BCAS4: variants seen among roughly 807,000 people sequenced by gnomAD.
The protein encoded by BCAS4 is breast carcinoma-amplified sequence 4.
BCAS4 carries 9 observed loss-of-function variants against 15.7 expected under a neutral mutation model. That is an observed-to-expected ratio of 0.57 (90% CI 0.34 to 1.00). BCAS4 has a LOEUF of 1.00. Ranked by LOEUF, BCAS4 falls within the 50% of genes least tolerant of loss-of-function variation. The pLI is 0.02. For synonymous variants in BCAS4, 101 were observed against 99.5 expected (o/e 1.02, Z -0.09); for missense variants, 225 against 239.1 (o/e 0.94, Z 0.39).
chr20:50,875,042 CCTT>C (rs145098249), intron 4 of BCAS4, among the ~76,000 whole-genome samples: 3,595 of 152,300 alleles, frequency 0.024, 68 homozygotes, highest in Middle Eastern at 0.048. Context: ...GGAGCCCTCT[CCTT>C]CTTCTGGTGC....
At chr20:50,856,375 GC>G (rs915740860) in intron 4 of BCAS4, among the ~76,000 whole-genome samples, 49 of 152,326 alleles carry the variant, frequency 3.2e-4, no homozygotes, top group African/African-American at 1.2e-3. Context: ...TTGTCATGCT[GC>G]CAGGCCCAAA....
At chr20:50,807,751 A>C (rs1360443364) in intron 1 of BCAS4, among the ~76,000 whole-genome samples, 76 of 152,132 alleles carry the variant, frequency 5.0e-4, no homozygotes, top group Non-Finnish European at 9.6e-4. Flanking sequence ...TACGAGTGAG[A>C]ACATACGATG....
chr20:50,795,137 G>T lies in BCAS4; in HGVS notation c.54G>T (p.Glu18Asp). Reference sequence around the variant, plus strand: ...AGCCCATGCGCAGCGGGGCGCGCGAGCTCGCGCTCTTCCTGACCCCCGAGC... The same window carrying T: ...AGCCCATGCGCAGCGGGGCGCGCGATCTCGCGCTCTTCCTGACCCCCGAGC... ...QPEPMRSGAR[E>D]LALFLTPEPG... Residue 18 changes from glutamate to aspartate, a missense_variant, in exon 1 of 5, where the codon GAG becomes GAT. Transcript: ENST00000371608. The T allele has an allele frequency of 6.8e-7, 1 of 1,475,408 alleles. No individual in the cohort carries two copies. The highest frequency in any genetic ancestry group is 9.0e-7 in the Non-Finnish European group (1 of 1,110,154). The allele number at this position is 1,475,408 out of a possible 1,614,324, so 91.4% of individuals were successfully genotyped here.
Position 50,858,256 on chromosome 20 carries a change from C to G in BCAS4, c.399+16356C>G, listed in dbSNP as rs145363258. On this transcript the variant is annotated intron_variant, in intron 4 of 4. Transcript: ENST00000371608. ...AGAGAATTTGCATATAACTTACATA[C>G]ATCCTTCCATATACTCTAAATCATC... 3.9e-5 allele frequency among the ~76,000 whole-genome samples: 6 copies of G among 152,298 alleles called. No individual in the cohort carries two copies. In the East Asian group the frequency reaches 1.2e-3, roughly 29 times the overall value.
rs1041206527 is a variant in BCAS4 at position 50,840,709 on chromosome 20, T to C, written c.265-1057T>C. 235 of 1,612,698 alleles carry C rather than the reference T, an allele frequency of 1.5e-4. 1 individual carries two copies. Among genetic ancestry groups the C allele is most frequent in the South Asian group, 1.4e-4 (13 of 91,028 alleles). ...CTCTGTCTTCTTCAGTTTCGACTTATCGAATTTCTCGATCTCAGCCATATC... is the reference window on the plus strand; with the variant it reads ...CTCTGTCTTCTTCAGTTTCGACTTACCGAATTTCTCGATCTCAGCCATATC... On this transcript the variant is annotated intron_variant, in intron 3 of 4. Coordinates refer to ENST00000371608, the MANE Select transcript of BCAS4 (RefSeq NM_198799.4).
upstream of BCAS4, chr20:50,794,954 GAGC>G: frequency 8.4e-7 from 1 of 1,197,090 alleles, no homozygotes; most frequent in Non-Finnish European, 1.0e-6. Flanking sequence ...CGACCGCCGG[GAGC>G]GCACCTGCCC....
At position 50,827,620 on chromosome 20, in the gene BCAS4, C is replaced by T. The variant is rs142290016; in HGVS notation, c.163-2659C>T. 3.4e-3 allele frequency among the ~76,000 whole-genome samples: 521 copies of T among 152,314 alleles called. 6 individuals are homozygous for T. The highest frequency in any genetic ancestry group is 0.012 in the African/African-American group (502 of 41,548). On this transcript the variant is annotated intron_variant, in intron 2 of 4. Transcript: ENST00000371608. ...GCTTCTGTGTCCCTTGGGTAAGCCC[C>T]ATCTCATCCTTTATTTTGTGGAACA...
chr20:50,847,055 G>A (rs188620306), intron 4 of BCAS4, among the ~76,000 whole-genome samples: 3 of 152,274 alleles, frequency 2.0e-5, no homozygotes, highest in East Asian at 1.9e-4. Flanking sequence ...GAGGGCCCAC[G>A]CTAAAGCAGA....
intron 3 of BCAS4, among the ~76,000 whole-genome samples, chr20:50,834,078 G>A (rs1328722804): frequency 6.6e-6 from 1 of 152,150 alleles, no homozygotes; most frequent in Non-Finnish European, 1.5e-5. Flanking sequence ...GACGGAGTGA[G>A]GGGTGTAGCC....
Position 50,841,836 on chromosome 20 carries a change from A to G in BCAS4, c.335A>G (p.His112Arg), listed in dbSNP as rs781464792. 6 of 1,613,146 alleles carry G rather than the reference A, an allele frequency of 3.7e-6. No individual in the cohort carries two copies. Among genetic ancestry groups the G allele is most frequent in the African/African-American group, 2.7e-5 (2 of 74,876 alleles). The change falls in exon 4 of 5, where the codon CAT becomes CGT. Residue 112 changes from histidine (H) to arginine (R), a missense_variant. His to Arg is a conservative substitution (Grantham distance 29). Transcript: ENST00000371608. The stretch of plus-strand genomic sequence containing the variant: ...GACGTGCTTCAGGCTGAGCGGGACC[A>G]TGGGGCCTTCCCTCAGGCCCTGCGG... Reference protein sequence around the residue: ...EADVLQAERDHGAFPQALRRW... With the variant: ...EADVLQAERDRGAFPQALRRW...
At chr20:50,836,402 A>G (rs2088410907) in intron 3 of BCAS4, among the ~76,000 whole-genome samples, 2 of 152,186 alleles carry the variant, frequency 1.3e-5, no homozygotes, top group South Asian at 4.1e-4. Context: ...ATCTCCAGGA[A>G]AGGAATGTGC....
chr20:50,847,944 T>A (rs551022049), intron 4 of BCAS4, among the ~76,000 whole-genome samples: 1 of 151,560 alleles, frequency 6.6e-6, no homozygotes, highest in Non-Finnish European at 1.5e-5. Flanking sequence ...ACTCAGGAGG[T>A]GGAAGGATCA....
rs957736187 is a variant in BCAS4 at position 50,807,902 on chromosome 20, C to CTT, written c.91-10291_91-10290dup. Among the ~76,000 whole-genome samples, 1,084 of 129,496 alleles carry CTT rather than the reference C, an allele frequency of 8.4e-3. 15 individuals are homozygous for CTT. The highest frequency in any genetic ancestry group is 0.023 in the African/African-American group (787 of 34,602). The allele number at this position is 129,496 out of a possible 152,430, so 85.0% of individuals were successfully genotyped here. On this transcript the variant is annotated intron_variant, in intron 1 of 4. Coordinates refer to ENST00000371608, the MANE Select transcript of BCAS4 (RefSeq NM_198799.4). ...TCTATATGTATATATGCCACATATTCTTTTTTTTTTTTTTTTTTTCTTCAG... is the reference window on the plus strand; with the variant it reads ...TCTATATGTATATATGCCACATATTCTTTTTTTTTTTTTTTTTTTTTCTTCAG...
intron 2 of BCAS4, among the ~76,000 whole-genome samples, chr20:50,821,286 C>G (rs1324887946): frequency 6.6e-6 from 1 of 152,230 alleles, no homozygotes; most frequent in African/African-American, 2.4e-5. Flanking sequence ...AAGACTCTTC[C>G]CATGTGTCTG....
At chr20:50,840,581 G>C (rs958057377) in intron 3 of BCAS4, 11 of 1,552,664 alleles carry the variant, frequency 7.1e-6, no homozygotes, top group Non-Finnish European at 9.8e-6. Flanking sequence ...AATGCTTGTG[G>C]AATGTACAGT....
At chr20:50,837,212 A>T (rs2088420082) in intron 3 of BCAS4, among the ~76,000 whole-genome samples, 1 of 152,154 alleles carries the variant, frequency 6.6e-6, no homozygotes, top group Non-Finnish European at 1.5e-5. Context: ...CTGGGGTTTC[A>T]AAGTTTATGT....
At chr20:50,806,075 G>C (rs184211333) in intron 1 of BCAS4, among the ~76,000 whole-genome samples, 196 of 152,228 alleles carry the variant, frequency 1.3e-3, no homozygotes, top group African/African-American at 2.8e-3. Flanking sequence ...GCATGGCTTC[G>C]GTGTCATTTG....
intron 4 of BCAS4, among the ~76,000 whole-genome samples, chr20:50,869,861 G>T (rs1245002645): frequency 6.8e-6 from 1 of 146,564 alleles, no homozygotes; most frequent in Non-Finnish European, 1.5e-5. Flanking sequence ...CAATTCTCCT[G>T]CCTCAGCCTC....
chr20:50,850,130 G>A (rs1274885614), intron 4 of BCAS4, among the ~76,000 whole-genome samples: 2 of 152,156 alleles, frequency 1.3e-5, no homozygotes, highest in Non-Finnish European at 2.9e-5. Context: ...TTATGCACCA[G>A]CCCTGGTTGG....
Sources: allele counts gnomAD v4.1 joint callset (sites outside exome capture counted in the v4.1 genomes callset), GRCh38; gene constraint gnomAD v4.1.1; transcripts MANE v1.5; gene names NCBI Gene and HGNC (gene_info 2026-07-23, HGNC 2026-07-21).